Variants in OSBPL6 observed in about 807,000 individuals in gnomAD.
OSBPL6 encodes the protein oxysterol-binding protein-related protein 6.
Under a neutral mutation model 125.8 loss-of-function variants are expected in OSBPL6, and 49 were observed. That is an observed-to-expected ratio of 0.39 (90% confidence interval 0.31 to 0.49). The LOEUF (loss-of-function observed/expected upper bound fraction) is 0.49. OSBPL6 is among the 20% of genes least tolerant of loss of function. The probability of loss-of-function intolerance (pLI) is 0.88; values close to 1 mark genes in which losing one functional copy is unlikely to be tolerated. For missense variants in OSBPL6, 986 were observed against 1,135.4 expected, an observed-to-expected ratio of 0.87 and a Z score of 1.89; for synonymous variants, 394 against 391.8, an observed-to-expected ratio of 1.01 and a Z score of -0.07.
At chr2:178,379,789 A>C (rs1694294164) in intron 15 of OSBPL6, among the ~76,000 whole-genome samples, 3 of 152,228 alleles carry the variant, frequency 2.0e-5, no homozygotes, top group Admixed American at 2.0e-4. Context: ...AACCAGTTGC[A>C]GCGGGAAAAT....
At chr2:178,337,116 A>G (rs1689755798) in intron 9 of OSBPL6, among the ~76,000 whole-genome samples, 1 of 152,114 alleles carries the variant, frequency 6.6e-6, no homozygotes, top group African/African-American at 2.4e-5. Context: ...TCTACAGACC[A>G]TTTCCATTCT....
chr2:178,376,253 A>C (rs1239227694), intron 15 of OSBPL6, among the ~76,000 whole-genome samples: 3 of 151,716 alleles, frequency 2.0e-5, no homozygotes, highest in South Asian at 4.2e-4. Context: ...AAGCCCCACC[A>C]CTCCGCCAGG....
At chr2:178,390,937 C>A in intron 21 of OSBPL6, 136 bp from the exon 22 acceptor site, 4 of 1,116,380 alleles carry the variant, frequency 3.6e-6, no homozygotes, top group African/African-American at 1.6e-5. Flanking sequence ...CCATATAAAA[C>A]GTTTTGAGAT....
intron 8 of OSBPL6, among the ~76,000 whole-genome samples, chr2:178,335,170 A>C (rs1689568049): frequency 6.6e-6 from 1 of 151,970 alleles, no homozygotes; most frequent in Non-Finnish European, 1.5e-5. Context: ...TATTGATGAA[A>C]ATATTTTATC....
At chr2:178,194,146 A>C (rs2088690242), upstream of OSBPL6, among the ~76,000 whole-genome samples, 1 of 152,062 alleles carries the variant, frequency 6.6e-6, no homozygotes, top group Non-Finnish European at 1.5e-5. Context: ...GCGCGGGGCG[A>C]GGGCTCCGCT....
intron 1 of OSBPL6, among the ~76,000 whole-genome samples, chr2:178,255,327 C>CAAACAA (rs1296125827): frequency 1.3e-5 from 2 of 152,086 alleles, no homozygotes; most frequent in African/African-American, 2.4e-5. Flanking sequence ...AAACAAAAAA[C>CAAACAA]AAACAAAAAC....
intron 4 of OSBPL6, 71 bp downstream of exon 4, chr2:178,324,340 A>T: frequency 2.6e-6 from 3 of 1,158,742 alleles, no homozygotes; most frequent in Middle Eastern, 2.7e-4. Context: ...ACTGTGAATA[A>T]CGTTTACACC....
chr2:178,333,379 C>T (rs148558890), intron 8 of OSBPL6, among the ~76,000 whole-genome samples: 75 of 151,958 alleles, frequency 4.9e-4, no homozygotes, highest in Non-Finnish European at 9.7e-4. Flanking sequence ...AGCAAGACTG[C>T]GTCTCAAAAA....
At chr2:178,358,131 A>G (rs899484837) in intron 12 of OSBPL6, among the ~76,000 whole-genome samples, 2 of 152,214 alleles carry the variant, frequency 1.3e-5, no homozygotes, top group Non-Finnish European at 2.9e-5. Context: ...TACCTAATGT[A>G]AATGATGAGT....
At chr2:178,381,059 T>C (rs557421691) in intron 15 of OSBPL6, among the ~76,000 whole-genome samples, 156 of 152,302 alleles carry the variant, frequency 1.0e-3, no homozygotes, top group African/African-American at 3.6e-3. Context: ...TTTTTTACAA[T>C]AAGAATGTTT....
Position 178,361,665 on chromosome 2 carries a change from C to T in OSBPL6, c.1154-17C>T. The T allele has an allele frequency of 6.2e-7, 1 of 1,611,596 alleles. No homozygotes were observed. Among genetic ancestry groups the T allele is most frequent in the Non-Finnish European group, 8.5e-7 (1 of 1,178,780 alleles). On this transcript the variant is annotated splice_polypyrimidine_tract_variant and intron_variant, in intron 12 of 24. Transcript: ENST00000190611. ...GCACATATCTGACAGTTTTTTCTCACTTTTCTCCCCACCCAGTGCATTCTC... is the reference window on the plus strand; with the variant it reads ...GCACATATCTGACAGTTTTTTCTCATTTTTCTCCCCACCCAGTGCATTCTC...
intron 23 of OSBPL6, 86 bp downstream of exon 23, chr2:178,392,624 G>A: frequency 2.0e-6 from 3 of 1,507,630 alleles, no homozygotes; most frequent in Non-Finnish European, 2.7e-6. Flanking sequence ...AGAAGGCTGA[G>A]GAGGGAAGAT....
chr2:178,287,099 C>T (rs1485715356), intron 2 of OSBPL6, among the ~76,000 whole-genome samples: 2 of 149,244 alleles, frequency 1.3e-5, no homozygotes, highest in African/African-American at 2.5e-5. Flanking sequence ...ATTAGCTAAA[C>T]TCAACGTGGG....
At chr2:178,228,397 T>A (rs1423271848) in intron 1 of OSBPL6, among the ~76,000 whole-genome samples, 3 of 152,160 alleles carry the variant, frequency 2.0e-5, no homozygotes, top group Admixed American at 2.0e-4. Context: ...GAGCCGGGTG[T>A]GGTGGCGTGC....
At chr2:178,273,607 A>G (rs1432271494) in intron 1 of OSBPL6, among the ~76,000 whole-genome samples, 1 of 152,192 alleles carries the variant, frequency 6.6e-6, no homozygotes, top group Non-Finnish European at 1.5e-5. Flanking sequence ...GTAAATTAAA[A>G]GTATTTTAAC....
chr2:178,245,438 T>C (rs1362724045), intron 1 of OSBPL6, among the ~76,000 whole-genome samples: 1 of 152,212 alleles, frequency 6.6e-6, no homozygotes, highest in Non-Finnish European at 1.5e-5. Flanking sequence ...ATGTTTTCAC[T>C]GTGTAGTGGT....
At chr2:178,246,137 C>T (rs1181749961) in intron 1 of OSBPL6, among the ~76,000 whole-genome samples, 1 of 152,160 alleles carries the variant, frequency 6.6e-6, no homozygotes, top group African/African-American at 2.4e-5. Context: ...CCCTTGATCC[C>T]ACTTCTCTTT....
At chr2:178,260,871 T>A (rs1195896793) in intron 1 of OSBPL6, among the ~76,000 whole-genome samples, 1 of 152,202 alleles carries the variant, frequency 6.6e-6, no homozygotes, top group Non-Finnish European at 1.5e-5. Flanking sequence ...TTAGGCCAGA[T>A]GCGGTGGCTC....
chr2:178,236,661 G>T (rs146477333), intron 1 of OSBPL6, among the ~76,000 whole-genome samples: 1 of 152,214 alleles, frequency 6.6e-6, no homozygotes. Flanking sequence ...AAAGACTGAT[G>T]CTGGTAGGAA....
Sources: allele counts gnomAD v4.1 joint callset (sites outside exome capture counted in the v4.1 genomes callset), GRCh38; gene constraint gnomAD v4.1.1; transcripts MANE v1.5; gene names NCBI Gene and HGNC (gene_info 2026-07-23, HGNC 2026-07-21).